Variants in IL1RAPL1 observed in about 807,000 individuals in gnomAD.
The protein encoded by IL1RAPL1 is interleukin 1 receptor accessory protein like 1, also known as interleukin-1 receptor accessory protein-like 1.
Under a neutral mutation model 48.4 loss-of-function variants are expected in IL1RAPL1, and 3 were observed. The observed-to-expected ratio is 0.06, with a 90% confidence interval of 0.03 to 0.16. The LOEUF is 0.16. IL1RAPL1 is among the 10% of genes least tolerant of loss of function. IL1RAPL1 has a pLI of 1.00. For missense variants in IL1RAPL1, 349 were observed against 530.6 expected, an observed-to-expected ratio of 0.66 and a Z score of 3.36; for synonymous variants, 185 against 187.7, an observed-to-expected ratio of 0.99 and a Z score of 0.12.
At chrX:28,672,349 G>A (rs1053892266) in intron 1 of IL1RAPL1, among the ~76,000 whole-genome samples, 23 of 111,990 alleles carry the variant, frequency 2.1e-4, no homozygotes, top group African/African-American at 7.1e-4. Context: ...ATGAGTGAAT[G>A]AAAAGATAGA....
chrX:29,659,455 C>A (rs778469773), intron 5 of IL1RAPL1, among the ~76,000 whole-genome samples: 254 of 111,971 alleles, frequency 2.3e-3, no homozygotes, highest in African/African-American at 7.8e-3. Context: ...TGAGGAAACT[C>A]CATAGAGTTT....
chrX:29,186,249 A>G (rs935076113), intron 2 of IL1RAPL1, among the ~76,000 whole-genome samples: 2 of 112,121 alleles, frequency 1.8e-5, no homozygotes, highest in Non-Finnish European at 3.8e-5. Context: ...AATAACAAAA[A>G]TTCTGGTATG....
At chrX:28,801,212 G>A (rs1320148689) in intron 2 of IL1RAPL1, among the ~76,000 whole-genome samples, 1 of 110,937 alleles carries the variant, frequency 9.0e-6, no homozygotes, top group East Asian at 2.8e-4. Context: ...TTGTTTAACT[G>A]TTTAGAAATT....
chrX:28,797,920 GA>G (rs1323719036), intron 2 of IL1RAPL1, among the ~76,000 whole-genome samples: 1 of 112,118 alleles, frequency 8.9e-6, no homozygotes, highest in Non-Finnish European at 1.9e-5. Context: ...CATGGCTGGG[GA>G]AGCCTCACAA....
At chrX:28,661,639 T>A (rs1036258657) in intron 1 of IL1RAPL1, among the ~76,000 whole-genome samples, 4 of 112,072 alleles carry the variant, frequency 3.6e-5, no homozygotes, top group African/African-American at 1.3e-4. Context: ...GGATATATAA[T>A]GATCAATTCT....
Position 29,346,991 on chromosome X carries a change from G to A in IL1RAPL1, c.363-49267G>A, listed in dbSNP as rs1296004694. ...GTACCAGATTTTACAGAGCATCAGT[G>A]ATAAATAACAGTCCTTGTGCTCAAG... On this transcript the variant is annotated intron_variant, in intron 3 of 10. Transcript: ENST00000378993. Among the ~76,000 whole-genome samples the A allele has an allele frequency of 2.7e-5, 3 of 111,823 alleles. No homozygotes were observed. In the East Asian group the frequency reaches 8.4e-4, roughly 31 times the overall value.
chrX:29,843,236 C>T (rs1854748998), intron 6 of IL1RAPL1, among the ~76,000 whole-genome samples: 1 of 111,967 alleles, frequency 8.9e-6, no homozygotes, highest in Middle Eastern at 4.2e-3. Flanking sequence ...AAGAACTGGG[C>T]CTCCATTTTA....
intron 1 of IL1RAPL1, among the ~76,000 whole-genome samples, chrX:28,760,440 C>A (rs143379267): frequency 3.6e-5 from 4 of 111,653 alleles, no homozygotes; most frequent in African/African-American, 9.8e-5. Flanking sequence ...ATTTTACAAT[C>A]CAATAGAGAA....
intron 2 of IL1RAPL1, among the ~76,000 whole-genome samples, chrX:28,831,677 A>C (rs1026731812): frequency 9.0e-6 from 1 of 111,370 alleles, no homozygotes; most frequent in African/African-American, 3.3e-5. Flanking sequence ...TCTTGAATAA[A>C]TGCTGTTCAG....
At chrX:29,601,133 T>G (rs1923705753) in intron 5 of IL1RAPL1, among the ~76,000 whole-genome samples, 1 of 112,272 alleles carries the variant, frequency 8.9e-6, no homozygotes, top group South Asian at 3.7e-4. Context: ...ATGTTTTTCC[T>G]GAAAGTAAAT....
chrX:29,395,860 A>G (rs1202160759), intron 3 of IL1RAPL1, among the ~76,000 whole-genome samples: 1 of 112,263 alleles, frequency 8.9e-6, no homozygotes, highest in Non-Finnish European at 1.9e-5. Flanking sequence ...TTATTCCTGA[A>G]CCTCACTGTG....
At chrX:28,887,145 C>G (rs1922653909) in intron 2 of IL1RAPL1, among the ~76,000 whole-genome samples, 1 of 111,004 alleles carries the variant, frequency 9.0e-6, no homozygotes, top group Admixed American at 9.6e-5. Flanking sequence ...AGAGGTGGAG[C>G]CTTTAAACAA....
intron 2 of IL1RAPL1, among the ~76,000 whole-genome samples, chrX:28,807,983 A>G (rs1936750810): frequency 9.0e-6 from 1 of 110,981 alleles, no homozygotes; most frequent in African/African-American, 3.3e-5. Flanking sequence ...GAAGCTTCTG[A>G]GGCAGTGTAT....
At chrX:29,387,319 G>C (rs1252950263) in intron 3 of IL1RAPL1, among the ~76,000 whole-genome samples, 1 of 112,185 alleles carries the variant, frequency 8.9e-6, no homozygotes, top group Non-Finnish European at 1.9e-5. Flanking sequence ...GTTATGTTCT[G>C]TCTGTGTCTG....
At chrX:29,083,068 G>C (rs1927878078) in intron 2 of IL1RAPL1, among the ~76,000 whole-genome samples, 1 of 111,740 alleles carries the variant, frequency 8.9e-6, no homozygotes, top group Non-Finnish European at 1.9e-5. Context: ...TGTGGATGCT[G>C]GTATATAATT....
Position 29,933,737 on chromosome X carries a change from CAAT to C in IL1RAPL1, c.1058-7909_1058-7907del, listed in dbSNP as rs1476280967. On this transcript the variant is annotated intron_variant, in intron 8 of 10. Coordinates refer to ENST00000378993, the MANE Select transcript of IL1RAPL1 (RefSeq NM_014271.4). ...ATCCCAGTGGAAGACAAATAATAAA[CAAT>C]AATACATTTATTGATAAGCAAATGA... Among the ~76,000 whole-genome samples, 108 of 105,027 alleles carry C rather than the reference CAAT, an allele frequency of 1.0e-3. 1 individual carries two copies. The highest frequency in any genetic ancestry group is 3.6e-3 in the African/African-American group (105 of 29,066). 91.2% of individuals were successfully genotyped at this position (105,027 alleles called of 115,157 possible).
At chrX:28,747,170 A>G (rs1236846895) in intron 1 of IL1RAPL1, among the ~76,000 whole-genome samples, 1 of 111,223 alleles carries the variant, frequency 9.0e-6, no homozygotes, top group Non-Finnish European at 1.9e-5. Context: ...TTTTGCTCCT[A>G]TACATTGTTA....
chrX:29,687,619 T>A (rs1262273567), intron 6 of IL1RAPL1, among the ~76,000 whole-genome samples: 2 of 111,980 alleles, frequency 1.8e-5, no homozygotes, highest in Non-Finnish European at 3.8e-5. Context: ...TTAAAAAGAA[T>A]GTATATTTCA....
chrX:29,105,073 T>G (rs1442879013), intron 2 of IL1RAPL1, among the ~76,000 whole-genome samples: 1 of 111,697 alleles, frequency 9.0e-6, no homozygotes, highest in Admixed American at 9.6e-5. Flanking sequence ...GGCAAAAACC[T>G]GGCTAGGTAG....
Sources: gnomAD v4.1 joint callset for allele counts (sites outside exome capture counted in the v4.1 genomes callset) on GRCh38, gnomAD v4.1.1 for gene constraint, MANE v1.5 for transcripts, NCBI Gene and HGNC (gene_info 2026-07-23, HGNC 2026-07-21) for gene names.